MAST4: variants seen among roughly 807,000 people sequenced by gnomAD.
The protein encoded by MAST4 is microtubule associated serine/threonine kinase family member 4.
A neutral mutation model predicts 162.7 loss-of-function variants in MAST4; 89 were observed. The observed-to-expected ratio is 0.55, with a 90% CI of 0.46 to 0.65. MAST4 has a LOEUF of 0.65. MAST4 is among the 30% of genes least tolerant of loss of function. MAST4 has a pLI of 0.00. For missense variants in MAST4, 3,153 were observed against 3,374.0 expected (o/e 0.93, Z 1.62); for synonymous variants, 1,479 against 1,361.1 (o/e 1.09, Z -1.91).
chr5:67,100,319 G>T, intron 7 of MAST4, 116 bp from the exon 8 acceptor site: 1 of 993,670 alleles, frequency 1.0e-6, no homozygotes, highest in Non-Finnish European at 1.5e-6. Context: ...ACTTTAACAT[G>T]AAAAAGAAAC....
At chr5:67,077,514 C>G (rs747124124) in intron 5 of MAST4, among the ~76,000 whole-genome samples, 1 of 152,158 alleles carries the variant, frequency 6.6e-6, no homozygotes, top group African/African-American at 2.4e-5. Context: ...AAGAGTATTG[C>G]CAGCTGGCCC....
chr5:66,806,883 C>T (rs901207822), intron 3 of MAST4, among the ~76,000 whole-genome samples: 1 of 152,104 alleles, frequency 6.6e-6, no homozygotes, highest in South Asian at 2.1e-4. Context: ...CTAATTTCTT[C>T]CTTTGGCTTT....
intron 1 of MAST4, among the ~76,000 whole-genome samples, chr5:66,724,142 G>A (rs1751377457): frequency 1.3e-5 from 2 of 152,154 alleles, no homozygotes; most frequent in Non-Finnish European, 2.9e-5. Flanking sequence ...ACTTTACCAA[G>A]CAAGGTATTA....
chr5:66,675,908 A>G (rs1242511891), intron 1 of MAST4, among the ~76,000 whole-genome samples: 1 of 152,256 alleles, frequency 6.6e-6, no homozygotes, highest in Non-Finnish European at 1.5e-5. Flanking sequence ...GAATGGAAGT[A>G]TATGAGTCAA....
At chr5:66,734,339 A>G (rs1208327375) in intron 1 of MAST4, among the ~76,000 whole-genome samples, 1 of 152,196 alleles carries the variant, frequency 6.6e-6, no homozygotes, top group African/African-American at 2.4e-5. Flanking sequence ...AGAATAATCC[A>G]TAGAACTTCC....
intron 2 of MAST4, among the ~76,000 whole-genome samples, chr5:66,780,188 A>T (rs980344858): frequency 6.6e-6 from 1 of 152,166 alleles, no homozygotes; most frequent in Non-Finnish European, 1.5e-5. Flanking sequence ...TCCCAAACTG[A>T]AACTTTGTAC....
chr5:66,598,754 A>T (rs1004487785), intron 1 of MAST4, among the ~76,000 whole-genome samples: 1 of 152,156 alleles, frequency 6.6e-6, no homozygotes, highest in Non-Finnish European at 1.5e-5. Flanking sequence ...TATGTTTTCT[A>T]TTTAGCTAGG....
At chr5:66,785,825 A>T (rs1561329590) in intron 2 of MAST4, among the ~76,000 whole-genome samples, 1 of 152,162 alleles carries the variant, frequency 6.6e-6, no homozygotes, top group Non-Finnish European at 1.5e-5. Context: ...ACATCAGGAG[A>T]ATTATACAGA....
intron 3 of MAST4, among the ~76,000 whole-genome samples, chr5:66,836,513 A>C (rs992756923): frequency 6.6e-6 from 1 of 152,130 alleles, no homozygotes; most frequent in Non-Finnish European, 1.5e-5. Flanking sequence ...TTGTAGTGCT[A>C]TTTATGATAG....
chr5:67,056,974 A>T (rs979155308), intron 5 of MAST4, among the ~76,000 whole-genome samples: 1 of 152,020 alleles, frequency 6.6e-6, no homozygotes, highest in East Asian at 1.9e-4. Flanking sequence ...AAGTGCTGGG[A>T]TCATAGGCAC....
Position 66,995,888 on chromosome 5 carries a change from T to TACACACAC in MAST4, c.675-58498_675-58491dup, listed in dbSNP as rs34561453. Among the ~76,000 whole-genome samples the TACACACAC allele has an allele frequency of 6.6e-3, 967 of 147,306 alleles. 11 individuals are homozygous for TACACACAC. Among genetic ancestry groups the TACACACAC allele is most frequent in the African/African-American group, 0.023 (917 of 40,278 alleles). On this transcript the variant is annotated intron_variant, in intron 4 of 28. Transcript: ENST00000403625. Reference sequence around the variant, plus strand: ...GATGCTCTCTCAAAACACACTCACATACACACACACACACACACACACACA... The same window carrying TACACACAC: ...GATGCTCTCTCAAAACACACTCACATACACACACACACACACACACACACACACACACA...
intron 3 of MAST4, among the ~76,000 whole-genome samples, chr5:66,802,101 T>A (rs926769761): frequency 6.6e-6 from 1 of 152,232 alleles, no homozygotes; most frequent in Non-Finnish European, 1.5e-5. Flanking sequence ...TTAATATTAT[T>A]GTTTGGTTTA....
At chr5:66,669,052 T>C (rs1007999536) in intron 1 of MAST4, among the ~76,000 whole-genome samples, 1 of 152,230 alleles carries the variant, frequency 6.6e-6, no homozygotes, top group Non-Finnish European at 1.5e-5. Context: ...GCATCCTTAG[T>C]ACATGTTCCT....
intron 4 of MAST4, among the ~76,000 whole-genome samples, chr5:66,918,811 G>A (rs951821522): frequency 2.0e-5 from 3 of 151,956 alleles, no homozygotes; most frequent in Non-Finnish European, 1.5e-5. Flanking sequence ...GAAATGATTG[G>A]TATATATTAT....
intron 4 of MAST4, among the ~76,000 whole-genome samples, chr5:66,988,040 A>G (rs1749705350): frequency 6.6e-6 from 1 of 152,202 alleles, no homozygotes; most frequent in Non-Finnish European, 1.5e-5. Context: ...CTAGCTCTCC[A>G]CTGGCCTAAA....
chr5:66,713,020 A>G (rs1750594500), intron 1 of MAST4, among the ~76,000 whole-genome samples: 5 of 152,192 alleles, frequency 3.3e-5, no homozygotes, highest in Admixed American at 2.6e-4. Context: ...CTTATTTTCC[A>G]TCTGGATCTC....
chr5:67,065,604 G>A (rs1488838690), intron 5 of MAST4, among the ~76,000 whole-genome samples: 1 of 152,152 alleles, frequency 6.6e-6, no homozygotes, highest in African/African-American at 2.4e-5. Flanking sequence ...AGCCACAGTG[G>A]CCTGTACCCA....
intron 3 of MAST4, among the ~76,000 whole-genome samples, chr5:66,879,361 C>CATAT (rs70987144): frequency 3.6e-5 from 2 of 55,066 alleles, no homozygotes; most frequent in South Asian, 8.8e-4. Flanking sequence ...CACACACACA[C>CATAT]ATATATATAT....
intron 1 of MAST4, among the ~76,000 whole-genome samples, chr5:66,708,977 A>G (rs922217506): frequency 6.6e-6 from 1 of 152,174 alleles, no homozygotes; most frequent in African/African-American, 2.4e-5. Flanking sequence ...GGCATAATAC[A>G]TATACTTTCT....
Sources: allele counts gnomAD v4.1 joint callset (sites outside exome capture counted in the v4.1 genomes callset), GRCh38; gene constraint gnomAD v4.1.1; transcripts MANE v1.5; gene names NCBI Gene and HGNC (gene_info 2026-07-23, HGNC 2026-07-21).